Variants in PCDH17 observed in about 807,000 individuals in gnomAD.
The protein encoded by PCDH17 is protocadherin-17.
A neutral mutation model predicts 67.7 loss-of-function variants in PCDH17; 21 were observed. The ratio of observed to expected loss-of-function variants is 0.31; its 90% CI spans 0.22 to 0.45. PCDH17 has a LOEUF of 0.45. Among genes scored for constraint, PCDH17 ranks in the 20% least tolerant of loss-of-function variants. PCDH17 has a pLI of 1.00. For synonymous variants in PCDH17, 701 were observed against 656.7 expected, an observed-to-expected ratio of 1.07 and a Z score of -1.03; for missense variants, 1,471 against 1,564.8, an observed-to-expected ratio of 0.94 and a Z score of 1.01.
At chr13:57,657,316 A>G (rs2138009532) in intron 1 of PCDH17, among the ~76,000 whole-genome samples, 1 of 152,296 alleles carries the variant, frequency 6.6e-6, no homozygotes, top group African/African-American at 2.4e-5. Context: ...AAGAATACCC[A>G]ATGTTTTTAT....
rs771556655 is a variant in PCDH17, at chr13:57,633,629, G to A, written c.1083G>A (p.Leu361=). ...IGFVSVRQGA[L]SEAAPPGTVI... ...TCGTCTCCGTGCGCCAGGGGGCGCT[G>A]AGCGAGGCCGCCCCTCCCGGCACCG... is the stretch of plus-strand genomic sequence containing the variant. Residue 361 remains leucine, a synonymous_variant, in exon 1 of 4, where the codon CTG becomes CTA. Transcript: ENST00000377918. This position sits in a 1 kb window ranked among gnomAD's most constrained non-coding sequence, Gnocchi z 6.2. The A allele has an allele frequency of 1.2e-6, 2 of 1,610,052 alleles. No individual in the cohort carries two copies. Among genetic ancestry groups the A allele is most frequent in the South Asian group, 1.1e-5 (1 of 91,080 alleles).
intron 3 of PCDH17, among the ~76,000 whole-genome samples, chr13:57,699,142 A>T (rs1393177907): frequency 6.6e-6 from 1 of 151,896 alleles, no homozygotes; most frequent in Non-Finnish European, 1.5e-5. Context: ...AGCTTGTAGT[A>T]TTTTAATGTT....
At chr13:57,643,542 C>A (rs1954929174) in intron 1 of PCDH17, among the ~76,000 whole-genome samples, 1 of 151,598 alleles carries the variant, frequency 6.6e-6, no homozygotes, top group South Asian at 2.1e-4. Context: ...CTTCTTGGGT[C>A]CCACCAGAAT....
intron 1 of PCDH17, among the ~76,000 whole-genome samples, chr13:57,635,409 T>A (rs1477289414): frequency 2.0e-5 from 3 of 152,218 alleles, no homozygotes; most frequent in Non-Finnish European, 4.4e-5. Context: ...TTACTTACTT[T>A]TATTTGTTGG....
At chr13:57,647,400 A>G (rs1954977619) in intron 1 of PCDH17, among the ~76,000 whole-genome samples, 1 of 151,788 alleles carries the variant, frequency 6.6e-6, no homozygotes, top group Non-Finnish European at 1.5e-5. Context: ...ATCCCAGCAG[A>G]AAATATGCTT....
At chr13:57,690,608 G>A (rs1268303000) in intron 3 of PCDH17, among the ~76,000 whole-genome samples, 1 of 151,464 alleles carries the variant, frequency 6.6e-6, no homozygotes, top group African/African-American at 2.4e-5. Flanking sequence ...CTAAATAAGA[G>A]AGGTGAAAAC....
At position 57,632,600 on chromosome 13, in the gene PCDH17, C is replaced by G; in HGVS notation, c.54C>G (p.Leu18=). The change falls in exon 1 of 4, where the codon CTC becomes CTG. Residue 18 remains leucine (L), a synonymous_variant. Transcript: ENST00000377918. The part of the protein sequence containing the change: ...CFLLWAPALT[L]KNLNYSVPEE... ...TTCTATGGGCCCCTGCCCTCACTCT[C>G]AAGAACCTCAACTACTCCGTGCCGG... The G allele has an allele frequency of 6.2e-7, 1 of 1,613,924 alleles. No individual in the cohort carries two copies. The highest frequency in any genetic ancestry group is 8.5e-7 in the Non-Finnish European group (1 of 1,179,958).
At chr13:57,722,764 C>A (rs1188696474) in intron 3 of PCDH17, among the ~76,000 whole-genome samples, 1 of 152,058 alleles carries the variant, frequency 6.6e-6, no homozygotes, top group East Asian at 1.9e-4. Context: ...CACCACCTCA[C>A]CTGGCTAATT....
chr13:57,647,350 CTATTA>C (rs1210421738), intron 1 of PCDH17, among the ~76,000 whole-genome samples: 1 of 151,736 alleles, frequency 6.6e-6, no homozygotes, highest in Non-Finnish European at 1.5e-5. Flanking sequence ...TGTTCTAATT[CTATTA>C]TTTTTATCCT....
chr13:57,714,555 G>C (rs1955802318), intron 3 of PCDH17, among the ~76,000 whole-genome samples: 1 of 151,758 alleles, frequency 6.6e-6, no homozygotes, highest in African/African-American at 2.4e-5. Flanking sequence ...ATGAAGGATA[G>C]TAGAATACTT....
chr13:57,679,921 A>T (rs1955432484), intron 3 of PCDH17, among the ~76,000 whole-genome samples: 1 of 151,390 alleles, frequency 6.6e-6, no homozygotes, highest in Non-Finnish European at 1.5e-5. Context: ...TATTTTCTTT[A>T]CTCATGGGGT....
chr13:57,683,921 G>A (rs1955482020), intron 3 of PCDH17, among the ~76,000 whole-genome samples: 2 of 151,910 alleles, frequency 1.3e-5, no homozygotes, highest in South Asian at 4.1e-4. Flanking sequence ...AAGATTTGCT[G>A]AAAGCAATAA....
intron 3 of PCDH17, among the ~76,000 whole-genome samples, chr13:57,711,762 A>G (rs1191074623): frequency 6.6e-6 from 1 of 150,658 alleles, no homozygotes; most frequent in African/African-American, 2.4e-5. Context: ...TCTCTATGTT[A>G]TAAAATAATC....
intron 3 of PCDH17, among the ~76,000 whole-genome samples, chr13:57,711,221 C>T (rs1392379135): frequency 1.3e-5 from 2 of 151,876 alleles, no homozygotes; most frequent in Non-Finnish European, 2.9e-5. Context: ...ATCTCACATC[C>T]ATTTCCTGCT....
chr13:57,666,790 C>T lies in PCDH17; in HGVS notation c.2754C>T (p.Leu918=). The T allele has an allele frequency of 6.2e-7, 1 of 1,612,478 alleles. No individual in the cohort carries two copies. The highest frequency in any genetic ancestry group is 8.5e-7 in the Non-Finnish European group (1 of 1,179,272). ...GTGACATGTCTGTTAGGGAGGCACT[C>T]AAGATGAAAACTACTTCAACTAAAA... The part of the protein sequence containing the change: ...SCCDMSVREA[L]KMKTTSTKSQ... Residue 918 remains leucine (L), a synonymous_variant, in exon 3 of 4, where the codon CTC becomes CTT. Transcript: ENST00000377918.
chr13:57,699,602 C>A (rs146565881), intron 3 of PCDH17, among the ~76,000 whole-genome samples: 2 of 151,352 alleles, frequency 1.3e-5, no homozygotes, highest in African/African-American at 4.9e-5. Flanking sequence ...TTTTACAAGG[C>A]GTGTTTTTAT....
chr13:57,713,545 G>A (rs1955794444), intron 3 of PCDH17, among the ~76,000 whole-genome samples: 1 of 151,618 alleles, frequency 6.6e-6, no homozygotes, highest in Non-Finnish European at 1.5e-5. Context: ...CAGCTTAGTG[G>A]TAGGGGTATT....
intron 3 of PCDH17, among the ~76,000 whole-genome samples, chr13:57,689,831 C>A (rs1269275138): frequency 6.6e-6 from 1 of 151,672 alleles, no homozygotes; most frequent in African/African-American, 2.4e-5. Context: ...TACCTCTATT[C>A]TGGGAAAAAA....
chr13:57,652,953 T>G (rs1305697982), intron 1 of PCDH17, among the ~76,000 whole-genome samples: 1 of 152,164 alleles, frequency 6.6e-6, no homozygotes, highest in Non-Finnish European at 1.5e-5. Flanking sequence ...CTTTAAGGCT[T>G]CTACACGTTA....
Sources: gnomAD v4.1 joint callset for allele counts (sites outside exome capture counted in the v4.1 genomes callset) on GRCh38, gnomAD v4.1.1 for gene constraint, Gnocchi (gnomAD v3.1) non-coding constraint, MANE v1.5 for transcripts, NCBI Gene and HGNC (gene_info 2026-07-23, HGNC 2026-07-21) for gene names.